Variants in NBAS observed in about 807,000 individuals in gnomAD.
NBAS encodes NAG/BC035112 fusion.
In NBAS, 219 loss-of-function variants were observed where a neutral mutation model predicts 302.5. That is an observed-to-expected ratio of 0.72 (90% CI 0.65 to 0.81). The LOEUF is 0.81. NBAS is among the 30% of genes least tolerant of loss of function. The probability of loss-of-function intolerance (pLI) is 0.00; values close to 1 mark genes in which losing one functional copy is unlikely to be tolerated. For synonymous variants in NBAS, 1,118 were observed against 1,021.6 expected, an observed-to-expected ratio of 1.09 and a Z score of -1.80; for missense variants, 2,932 against 2,841.6, an observed-to-expected ratio of 1.03 and a Z score of -0.72.
chr2:15,086,597 GC>G, the NBAS span, among the ~76,000 whole-genome samples: 1 of 152,140 alleles, frequency 6.6e-6, no homozygotes, highest in Admixed American at 6.5e-5. Flanking sequence ...CTTCCTTAGG[GC>G]CCTGAGGTTT....
the NBAS span, among the ~76,000 whole-genome samples, chr2:14,803,046 A>T: frequency 1.3e-5 from 2 of 152,178 alleles, no homozygotes; most frequent in Admixed American, 1.3e-4. Context: ...TAATAAAAAA[A>T]ATAAAAATAA....
the NBAS span, among the ~76,000 whole-genome samples, chr2:15,034,012 GAAGAAGAA>G: frequency 5.4e-3 from 275 of 51,040 alleles, 4 homozygotes; most frequent in African/African-American, 0.026. Flanking sequence ...AGAAGAAGAA[GAAGAAGAA>G]GAAGAAGAGG....
intron 44 of NBAS, among the ~76,000 whole-genome samples, chr2:15,248,664 C>A (rs1572523241): frequency 6.6e-6 from 1 of 152,194 alleles, no homozygotes; most frequent in East Asian, 1.9e-4. Flanking sequence ...ATACAAACTA[C>A]CATCAGAGAA....
intron 6 of NBAS, among the ~76,000 whole-genome samples, chr2:15,550,824 T>G (rs769352273): frequency 1.4e-4 from 21 of 152,128 alleles, no homozygotes; most frequent in Non-Finnish European, 2.8e-4. Flanking sequence ...TGACCTCAAG[T>G]GATCCGCCCA....
chr2:15,556,403 G>C (rs1306589287), intron 3 of NBAS, among the ~76,000 whole-genome samples: 1 of 152,110 alleles, frequency 6.6e-6, no homozygotes, highest in Admixed American at 6.6e-5. Context: ...GAAACCTAAA[G>C]AACCTTCTCT....
intron 16 of NBAS, among the ~76,000 whole-genome samples, chr2:15,468,871 C>G (rs1286301141): frequency 1.3e-5 from 2 of 152,116 alleles, no homozygotes; most frequent in Admixed American, 6.6e-5. Context: ...ATAGAGCAGA[C>G]AATAAGGCAG....
At chr2:14,996,498 C>T in the NBAS span, among the ~76,000 whole-genome samples, 107 of 152,284 alleles carry the variant, frequency 7.0e-4, no homozygotes, top group South Asian at 4.6e-3. Context: ...TTCCAAATCA[C>T]GGGACATCTG....
At chr2:15,427,631 G>A in intron 22 of NBAS, 80 bp downstream of exon 22, 1 of 1,197,800 alleles carries the variant, frequency 8.3e-7, no homozygotes, top group Non-Finnish European at 1.2e-6. Flanking sequence ...GGTTTCATTG[G>A]TCAGACACCA....
At chr2:15,058,153 C>T in the NBAS span, among the ~76,000 whole-genome samples, 1 of 152,202 alleles carries the variant, frequency 6.6e-6, no homozygotes, top group East Asian at 1.9e-4. Context: ...CCTTTGGTAT[C>T]TTTTGAGTTT....
chr2:15,384,289 G>T (rs1437629358), intron 28 of NBAS, among the ~76,000 whole-genome samples: 1 of 152,204 alleles, frequency 6.6e-6, no homozygotes, highest in African/African-American at 2.4e-5. Flanking sequence ...TTGTGTGATT[G>T]TGAGCAAGTC....
the NBAS span, among the ~76,000 whole-genome samples, chr2:14,884,086 G>T: frequency 6.6e-6 from 1 of 152,050 alleles, no homozygotes; most frequent in Non-Finnish European, 1.5e-5. Context: ...GGGGACTCTT[G>T]GCAGCAAAGA....
intron 21 of NBAS, among the ~76,000 whole-genome samples, chr2:15,440,524 A>G (rs1409333014): frequency 6.6e-6 from 1 of 152,174 alleles, no homozygotes; most frequent in Admixed American, 6.5e-5. Flanking sequence ...ACCATCATCA[A>G]AGGCCAAAAG....
At chr2:15,291,781 T>C (rs925586482) in intron 41 of NBAS, among the ~76,000 whole-genome samples, 2 of 152,198 alleles carry the variant, frequency 1.3e-5, no homozygotes, top group African/African-American at 4.8e-5. Context: ...GCCATGTGCT[T>C]TGAAAACTGA....
intron 48 of NBAS, among the ~76,000 whole-genome samples, chr2:15,207,342 T>C (rs917904930): frequency 6.6e-6 from 1 of 152,234 alleles, no homozygotes; most frequent in African/African-American, 2.4e-5. Context: ...CATTGTATCT[T>C]GGAACTAACT....
the NBAS span, among the ~76,000 whole-genome samples, chr2:14,958,727 G>C: frequency 1.3e-5 from 2 of 152,170 alleles, no homozygotes; most frequent in South Asian, 2.1e-4. Flanking sequence ...TTGATGATAT[G>C]TAAAGAGTGA....
chr2:15,061,414 C>T, the NBAS span, among the ~76,000 whole-genome samples: 1 of 152,172 alleles, frequency 6.6e-6, no homozygotes, highest in Non-Finnish European at 1.5e-5. Context: ...TGTAAATGTC[C>T]TAATCTAATG....
the NBAS span, among the ~76,000 whole-genome samples, chr2:14,845,902 C>T: frequency 6.7e-6 from 1 of 150,374 alleles, no homozygotes; most frequent in Non-Finnish European, 1.5e-5. Context: ...AGAAGCAAGC[C>T]TACAAGATTG....
At chr2:15,444,235 A>G (rs1395110386) in intron 21 of NBAS, among the ~76,000 whole-genome samples, 1 of 152,058 alleles carries the variant, frequency 6.6e-6, no homozygotes, top group East Asian at 1.9e-4. Context: ...GAGGCATCAT[A>G]CTACCTGACT....
chr2:14,903,043 G>A, the NBAS span, among the ~76,000 whole-genome samples: 1 of 151,824 alleles, frequency 6.6e-6, no homozygotes, highest in South Asian at 2.1e-4. Context: ...GGCAATTTGT[G>A]GCAAGAAGCT....
Sources: allele counts gnomAD v4.1 joint callset (sites outside exome capture counted in the v4.1 genomes callset), GRCh38; gene constraint gnomAD v4.1.1; transcripts MANE v1.5; gene names NCBI Gene and HGNC (gene_info 2026-07-23, HGNC 2026-07-21).